The following KHDRBS2 variants were observed in gnomAD, a reference collection of about 807,000 sequenced individuals.
KHDRBS2 encodes the protein KH domain-containing, RNA-binding, signal transduction-associated protein 2.
In KHDRBS2, 26 loss-of-function variants were observed where a neutral mutation model predicts 44.3. The observed-to-expected ratio is 0.59, with a 90% CI of 0.43 to 0.81. The LOEUF is 0.81. Ranked by LOEUF, KHDRBS2 falls within the 40% of genes least tolerant of loss-of-function variation. The pLI, the probability that KHDRBS2 is intolerant of heterozygous loss-of-function variation, is 0.00. For synonymous variants in KHDRBS2, 194 were observed against 151.1 expected (o/e 1.28, Z -2.08); for missense variants, 476 against 433.1 (o/e 1.10, Z -0.88).
chr6:61,675,893 C>A (rs1279896313), downstream of KHDRBS2, among the ~76,000 whole-genome samples: 1 of 151,672 alleles, frequency 6.6e-6, no homozygotes, highest in Non-Finnish European at 1.5e-5. Flanking sequence ...TATACATAGA[C>A]CACGCATACA....
At chr6:61,581,007 A>G in the KHDRBS2 span, among the ~76,000 whole-genome samples, 9 of 152,186 alleles carry the variant, frequency 5.9e-5, no homozygotes, top group Non-Finnish European at 1.3e-4. Flanking sequence ...CATAATATAG[A>G]AGGTAAGCAC....
chr6:62,083,911 A>G (rs1410772287), intron 2 of KHDRBS2, among the ~76,000 whole-genome samples: 1 of 152,224 alleles, frequency 6.6e-6, no homozygotes, highest in Non-Finnish European at 1.5e-5. Context: ...ATTAGAAACA[A>G]TTAGGTAGAT....
intron 2 of KHDRBS2, among the ~76,000 whole-genome samples, chr6:62,055,156 G>GT (rs1789974085): frequency 1.3e-5 from 2 of 151,912 alleles, no homozygotes; most frequent in South Asian, 4.1e-4. Flanking sequence ...CACAAAGTAG[G>GT]TGAAAACATA....
the KHDRBS2 span, among the ~76,000 whole-genome samples, chr6:61,671,039 T>C: frequency 2.6e-5 from 4 of 151,622 alleles, no homozygotes; most frequent in African/African-American, 9.7e-5. Flanking sequence ...GATAGGAGCA[T>C]GATGACATTA....
At chr6:61,817,051 G>T in intron 6 of KHDRBS2, 1 of 420,608 alleles carries the variant, frequency 2.4e-6, no homozygotes, top group South Asian at 1.7e-5. Flanking sequence ...CTATATTTGT[G>T]GATAATATTC....
chr6:61,560,218 T>TA, the KHDRBS2 span, among the ~76,000 whole-genome samples: 1 of 152,172 alleles, frequency 6.6e-6, no homozygotes, highest in Non-Finnish European at 1.5e-5. Context: ...TTACTCTTGT[T>TA]AAAAAATCAA....
At chr6:61,967,034 T>C (rs1485063642) in intron 4 of KHDRBS2, among the ~76,000 whole-genome samples, 4 of 151,892 alleles carry the variant, frequency 2.6e-5, no homozygotes, top group East Asian at 3.9e-4. Flanking sequence ...ATTATGTATA[T>C]TTTTAACTGA....
At chr6:62,159,054 TG>T (rs1817057621) in intron 2 of KHDRBS2, among the ~76,000 whole-genome samples, 2 of 151,808 alleles carry the variant, frequency 1.3e-5, no homozygotes, top group Non-Finnish European at 2.9e-5. Context: ...ATATCTTGAA[TG>T]ATTTAATGAA....
At chr6:62,008,935 G>A (rs1779789559) in intron 3 of KHDRBS2, among the ~76,000 whole-genome samples, 1 of 152,084 alleles carries the variant, frequency 6.6e-6, no homozygotes, top group South Asian at 2.1e-4. Flanking sequence ...TATCAGTAGT[G>A]TGAAAACGGG....
chr6:62,177,232 T>C lies in KHDRBS2; in HGVS notation c.172A>G (p.Ile58Val), dbSNP rs1181067857. Residue 58 changes from isoleucine (I) to valine (V), a missense_variant, in exon 2 of 9, where the codon ATA becomes GTA. Physicochemically the swap from Ile to Val is conservative, Grantham distance 29. Transcript: ENST00000281156. ...KYLDVISNKN[I>V]KLSERVLIPV... ...ATCAGTACTCTTTCTGAGAGCTTTA[T>C]GTTTTTGTTGCTGATGACATCAAGA... is the stretch of plus-strand genomic sequence containing the variant. The C allele has an allele frequency of 1.3e-6, 2 of 1,596,620 alleles. No homozygotes were observed. The highest frequency in any genetic ancestry group is 1.7e-5 in the Admixed American group (1 of 59,568).
downstream of KHDRBS2, among the ~76,000 whole-genome samples, chr6:61,676,571 T>C (rs115122871): frequency 0.025 from 3,742 of 152,002 alleles, 68 homozygotes; most frequent in Middle Eastern, 0.082. Context: ...TTGAAGCTAC[T>C]GCATCCTCCC....
At chr6:62,094,743 G>A (rs1800210911) in intron 2 of KHDRBS2, among the ~76,000 whole-genome samples, 1 of 151,846 alleles carries the variant, frequency 6.6e-6, no homozygotes, top group Admixed American at 6.6e-5. Flanking sequence ...TGTATATGGT[G>A]AGAGTTAAGA....
intron 1 of KHDRBS2, among the ~76,000 whole-genome samples, chr6:62,210,784 T>G (rs1828915539): frequency 6.6e-6 from 1 of 152,130 alleles, no homozygotes; most frequent in Admixed American, 6.6e-5. Flanking sequence ...AACATAATCA[T>G]TAATTTAATT....
At chr6:61,698,131 C>T (rs1224874289) in intron 7 of KHDRBS2, among the ~76,000 whole-genome samples, 1 of 152,178 alleles carries the variant, frequency 6.6e-6, no homozygotes, top group East Asian at 1.9e-4. Flanking sequence ...ATGGTCAAGA[C>T]TTAGTGTTCA....
chr6:62,097,338 C>G (rs1257525663), intron 2 of KHDRBS2, among the ~76,000 whole-genome samples: 3 of 151,824 alleles, frequency 2.0e-5, no homozygotes, highest in Non-Finnish European at 4.4e-5. Flanking sequence ...TTAAAGTCCC[C>G]TACTATTATT....
At chr6:61,844,791 T>G (rs1284746589) in intron 6 of KHDRBS2, among the ~76,000 whole-genome samples, 1 of 152,238 alleles carries the variant, frequency 6.6e-6, no homozygotes, top group Non-Finnish European at 1.5e-5. Flanking sequence ...TTTTGTTATA[T>G]TCTGCCGTAC....
chr6:61,996,151 G>T (rs764637958), intron 3 of KHDRBS2, among the ~76,000 whole-genome samples: 3 of 152,046 alleles, frequency 2.0e-5, no homozygotes, highest in Non-Finnish European at 4.4e-5. Context: ...CTGTCTACAG[G>T]GCAAGTGTTA....
At chr6:61,936,827 A>AAT (rs1436649004) in intron 4 of KHDRBS2, among the ~76,000 whole-genome samples, 1 of 151,942 alleles carries the variant, frequency 6.6e-6, no homozygotes, top group Admixed American at 6.6e-5. Flanking sequence ...ACTGGTGAGA[A>AAT]ATTTGTCAGT....
chr6:61,867,116 C>A (rs1261857078), intron 6 of KHDRBS2, among the ~76,000 whole-genome samples: 2 of 152,148 alleles, frequency 1.3e-5, no homozygotes, highest in Non-Finnish European at 2.9e-5. Flanking sequence ...CTGTATTAGT[C>A]CATTTTCAAT....
Sources: gnomAD v4.1 joint callset for allele counts (sites outside exome capture counted in the v4.1 genomes callset) on GRCh38, gnomAD v4.1.1 for gene constraint, MANE v1.5 for transcripts, NCBI Gene and HGNC (gene_info 2026-07-23, HGNC 2026-07-21) for gene names.